The following NDUFAF2 variants were observed in gnomAD, a reference collection of about 807,000 sequenced individuals.
NDUFAF2 encodes NADH:ubiquinone oxidoreductase complex assembly factor 2, also known as NADH dehydrogenase [ubiquinone] 1 alpha subcomplex assembly factor 2.
NDUFAF2 carries 13 observed loss-of-function variants against 22.8 expected under a neutral mutation model. The ratio of observed to expected loss-of-function variants is 0.57; its 90% CI spans 0.37 to 0.91. The LOEUF is 0.91. Ranked by LOEUF, NDUFAF2 falls within the 40% of genes least tolerant of loss-of-function variation. NDUFAF2 has a pLI of 0.01. For missense variants in NDUFAF2, 162 were observed against 195.2 expected (o/e 0.83, Z 1.01); for synonymous variants, 53 against 64.2 (o/e 0.83, Z 0.84).
intron 1 of NDUFAF2, among the ~76,000 whole-genome samples, chr5:61,064,932 A>G (rs1752210698): frequency 6.6e-6 from 1 of 151,966 alleles, no homozygotes; most frequent in Non-Finnish European, 1.5e-5. Flanking sequence ...AATAAAACAA[A>G]GAGTTGGTTT....
At chr5:61,051,834 A>G (rs1347724709) in intron 1 of NDUFAF2, among the ~76,000 whole-genome samples, 1 of 152,198 alleles carries the variant, frequency 6.6e-6, no homozygotes, top group African/African-American at 2.4e-5. Flanking sequence ...GTAGAACCAG[A>G]TATGAGGCAC....
At chr5:61,078,899 C>T (rs1189938354) in intron 2 of NDUFAF2, among the ~76,000 whole-genome samples, 1 of 152,150 alleles carries the variant, frequency 6.6e-6, no homozygotes, top group Non-Finnish European at 1.5e-5. Flanking sequence ...ATATTTGTCT[C>T]TCTATAATTC....
intron 2 of NDUFAF2, among the ~76,000 whole-genome samples, chr5:61,074,790 T>G (rs1368213841): frequency 2.0e-5 from 3 of 152,002 alleles, no homozygotes; most frequent in Non-Finnish European, 4.4e-5. Flanking sequence ...AAGAAATACC[T>G]GAAACTGGGT....
intron 1 of NDUFAF2, among the ~76,000 whole-genome samples, chr5:61,003,438 A>G (rs1219891703): frequency 1.3e-5 from 2 of 152,066 alleles, no homozygotes; most frequent in Non-Finnish European, 2.9e-5. Context: ...TGAGCCAGGT[A>G]AAATTTTTCT....
chr5:61,135,257 T>C (rs1259211042), intron 3 of NDUFAF2, among the ~76,000 whole-genome samples: 4 of 152,098 alleles, frequency 2.6e-5, no homozygotes, highest in African/African-American at 9.7e-5. Context: ...TTTTCTATTC[T>C]AAGGAGCCAG....
intron 3 of NDUFAF2, among the ~76,000 whole-genome samples, chr5:61,140,184 A>G (rs1019147179): frequency 6.6e-6 from 1 of 152,258 alleles, no homozygotes; most frequent in Non-Finnish European, 1.5e-5. Flanking sequence ...CTCAGCTTGC[A>G]AAGTGTCACT....
At chr5:61,121,834 T>C (rs1264221900) in intron 3 of NDUFAF2, among the ~76,000 whole-genome samples, 2 of 138,602 alleles carry the variant, frequency 1.4e-5, no homozygotes, top group East Asian at 2.0e-4. Context: ...TCTTTTCTTT[T>C]TTTTTTCTTT....
At chr5:61,019,868 CTG>C (rs962223323) in intron 1 of NDUFAF2, among the ~76,000 whole-genome samples, 4 of 152,048 alleles carry the variant, frequency 2.6e-5, no homozygotes, top group Admixed American at 2.6e-4. Flanking sequence ...TTTCTATTCT[CTG>C]GAACAGATTG....
intron 1 of NDUFAF2, among the ~76,000 whole-genome samples, chr5:60,983,653 A>T (rs955550899): frequency 3.4e-4 from 51 of 151,264 alleles, no homozygotes; most frequent in Non-Finnish European, 6.8e-4. Context: ...TTTATTAAAT[A>T]GGGAATCCTT....
chr5:61,147,870 A>G (rs1741165683), intron 3 of NDUFAF2, among the ~76,000 whole-genome samples: 1 of 152,072 alleles, frequency 6.6e-6, no homozygotes, highest in African/African-American at 2.4e-5. Context: ...GATCTTTACA[A>G]TGTCTCAGGT....
chr5:60,976,756 A>G (rs1021389092), intron 1 of NDUFAF2, among the ~76,000 whole-genome samples: 2 of 152,158 alleles, frequency 1.3e-5, no homozygotes, highest in Non-Finnish European at 2.9e-5. Flanking sequence ...AAATGAACCT[A>G]TATTTGGTAA....
chr5:61,123,893 A>G (rs1753004463), intron 3 of NDUFAF2, among the ~76,000 whole-genome samples: 1 of 152,220 alleles, frequency 6.6e-6, no homozygotes, highest in Admixed American at 6.5e-5. Flanking sequence ...AATATGCCAT[A>G]TGATCTGACC....
At chr5:61,135,439 C>G (rs532083297) in intron 3 of NDUFAF2, among the ~76,000 whole-genome samples, 1 of 151,996 alleles carries the variant, frequency 6.6e-6, no homozygotes, top group Non-Finnish European at 1.5e-5. Context: ...GTTTGAGCAT[C>G]AAAAATAGAA....
intron 2 of NDUFAF2, 71 bp downstream of exon 2, chr5:61,073,285 A>T: frequency 9.3e-7 from 1 of 1,076,676 alleles, no homozygotes; most frequent in Non-Finnish European, 1.4e-6. Flanking sequence ...CAATAAGAGC[A>T]TATATAGTTA....
chr5:61,141,664 A>AAATGAATGAATGAATG (rs70977828), intron 3 of NDUFAF2, among the ~76,000 whole-genome samples: 118 of 151,172 alleles, frequency 7.8e-4, no homozygotes, highest in Middle Eastern at 6.8e-3. Flanking sequence ...AGTATATATT[A>AAATGAATGAATGAATG]AATGAATGAA....
chr5:61,086,999 TG>T (rs1164131962), intron 2 of NDUFAF2, among the ~76,000 whole-genome samples: 14 of 152,272 alleles, frequency 9.2e-5, no homozygotes, highest in Admixed American at 7.9e-4. Flanking sequence ...GTGGACTAAA[TG>T]TGGTTCCCCC....
intron 2 of NDUFAF2, among the ~76,000 whole-genome samples, chr5:61,096,667 TAGAAAC>T (rs1194600946): frequency 6.8e-6 from 1 of 146,386 alleles, no homozygotes; most frequent in African/African-American, 2.5e-5. Flanking sequence ...TAAAAGCTAA[TAGAAAC>T]AGAATACAGG....
intron 3 of NDUFAF2, among the ~76,000 whole-genome samples, chr5:61,136,248 T>G (rs1314572418): frequency 6.6e-6 from 1 of 151,790 alleles, no homozygotes; most frequent in Non-Finnish European, 1.5e-5. Flanking sequence ...AGGGGTAGGT[T>G]TTCAAAAGGA....
At chr5:60,992,385 C>G (rs1035498004) in intron 1 of NDUFAF2, among the ~76,000 whole-genome samples, 1 of 152,114 alleles carries the variant, frequency 6.6e-6, no homozygotes, top group Non-Finnish European at 1.5e-5. Flanking sequence ...AGTCCAATGT[C>G]CTGGAGAGTT....
Sources: allele counts gnomAD v4.1 joint callset (sites outside exome capture counted in the v4.1 genomes callset), GRCh38; gene constraint gnomAD v4.1.1; transcripts MANE v1.5; gene names NCBI Gene and HGNC (gene_info 2026-07-23, HGNC 2026-07-21).